Variants in EIF4G3 observed in about 807,000 individuals in gnomAD.
The protein encoded by EIF4G3 is eukaryotic translation initiation factor 4 gamma 3.
Under a neutral mutation model 186.4 loss-of-function variants are expected in EIF4G3, and 34 were observed. The observed-to-expected ratio is 0.18, with a 90% CI of 0.14 to 0.24. EIF4G3 has a LOEUF of 0.24. Among genes scored for constraint, EIF4G3 ranks in the 10% least tolerant of loss-of-function variants. EIF4G3 has a pLI of 1.00. For missense variants in EIF4G3, 1,536 were observed against 1,948.5 expected (o/e 0.79, Z 3.99); for synonymous variants, 673 against 679.5 (o/e 0.99, Z 0.15).
At chr1:20,884,996 A>T (rs2083633134) in intron 19 of EIF4G3, among the ~76,000 whole-genome samples, 1 of 152,204 alleles carries the variant, frequency 6.6e-6, no homozygotes. Flanking sequence ...GGTATTAGTT[A>T]GATTCTCATA....
At chr1:21,025,881 G>T (rs2092005510) in intron 4 of EIF4G3, among the ~76,000 whole-genome samples, 1 of 152,180 alleles carries the variant, frequency 6.6e-6, no homozygotes, top group African/African-American at 2.4e-5. Context: ...TCCTTGCCAT[G>T]AGAGTGGATG....
At chr1:20,865,384 C>T in intron 20 of EIF4G3, 122 bp from the exon 21 acceptor site, 9 of 1,009,416 alleles carry the variant, frequency 8.9e-6, no homozygotes, top group Non-Finnish European at 1.3e-5. Flanking sequence ...CTATAAGAGG[C>T]AAACAATATA....
intron 20 of EIF4G3, among the ~76,000 whole-genome samples, chr1:20,868,248 A>G (rs534813722): frequency 2.0e-5 from 3 of 152,066 alleles, no homozygotes; most frequent in African/African-American, 7.2e-5. Context: ...TTGGGCTGCT[A>G]TAACAAAATA....
intron 2 of EIF4G3, among the ~76,000 whole-genome samples, chr1:21,104,454 C>T (rs1485088771): frequency 6.6e-6 from 1 of 152,096 alleles, no homozygotes; most frequent in Non-Finnish European, 1.5e-5. Context: ...ACATGGCCAA[C>T]AAGCATATGA....
In EIF4G3 at chr1:20,899,914, G is replaced by A; in HGVS notation, c.1782C>T (p.Asp594=). 6.2e-7 allele frequency: 1 copy of A among 1,613,060 alleles called. No individual in the cohort carries two copies. Among genetic ancestry groups the A allele is most frequent in the Non-Finnish European group, 8.5e-7 (1 of 1,179,778 alleles). ...TATCTTGTTCAGATTCAAGTACTTT[G>A]TCAATGGAAAGCTCCTCTTCAGCTT... ...ELKAEEELSI[D]KVLESEQDKM... The change falls in exon 16 of 37, where the codon GAC becomes GAT. Residue 594 remains aspartate, a synonymous_variant. Coordinates refer to ENST00000602326, the MANE Select transcript of EIF4G3 (RefSeq NM_001391906.1).
chr1:20,853,787 T>C, intron 26 of EIF4G3, 110 bp from the exon 27 acceptor site: 1 of 753,332 alleles, frequency 1.3e-6, no homozygotes. Flanking sequence ...CCTAACAAGC[T>C]TAGGTGACGC....
Position 21,063,894 on chromosome 1 carries a change from G to T in EIF4G3, c.-195-12900C>A, listed in dbSNP as rs867807978. On this transcript the variant is annotated intron_variant, in intron 3 of 36. Coordinates refer to ENST00000602326, the MANE Select transcript of EIF4G3 (RefSeq NM_001391906.1). ...CCAGCTAATTTTTTTTTTTTTTTTTGGTATTTTTATCACAGATGGGGTTTT... is the reference window on the plus strand; with the variant it reads ...CCAGCTAATTTTTTTTTTTTTTTTTTGTATTTTTATCACAGATGGGGTTTT... 6.7e-3 allele frequency among the ~76,000 whole-genome samples: 684 copies of T among 102,230 alleles called. 3 individuals carry two copies. The highest frequency in any genetic ancestry group is 0.021 in the African/African-American group (559 of 27,260). The allele number at this position is 102,230 out of a possible 152,430, so 67.1% of individuals were successfully genotyped here.
intron 6 of EIF4G3, chr1:20,999,483 T>A (rs1007113695): frequency 3.1e-6 from 1 of 319,998 alleles, no homozygotes; most frequent in Non-Finnish European, 6.2e-6. Context: ...AACCTGAGTA[T>A]GGCAGTACCT....
At chr1:20,985,460 C>A (rs575056377) in intron 7 of EIF4G3, among the ~76,000 whole-genome samples, 2 of 150,790 alleles carry the variant, frequency 1.3e-5, no homozygotes, top group Non-Finnish European at 2.9e-5. Flanking sequence ...GGATCACTTA[C>A]ACACACACAC....
rs114570509 is a variant in EIF4G3 at position 20,934,377 on chromosome 1, G to A, written c.1663+7114C>T. ...AATGGTTATATGGGACTCAGAGAGC[G>A]TCTCTGGCATGAGACAGACAATAAG... On this transcript the variant is annotated intron_variant, in intron 14 of 36. Transcript: ENST00000602326. Among the ~76,000 whole-genome samples, 781 of 152,216 alleles carry A rather than the reference G, an allele frequency of 5.1e-3. 9 individuals carry two copies. Among genetic ancestry groups the A allele is most frequent in the African/African-American group, 0.018 (755 of 41,512 alleles).
intron 2 of EIF4G3, among the ~76,000 whole-genome samples, chr1:21,147,866 T>C (rs1252811644): frequency 1.3e-5 from 2 of 152,132 alleles, no homozygotes; most frequent in Admixed American, 1.3e-4. Flanking sequence ...CCTGAAAATA[T>C]GTACATGTAT....
intron 4 of EIF4G3, among the ~76,000 whole-genome samples, chr1:21,047,000 CCAT>C (rs2093929738): frequency 6.6e-6 from 1 of 152,158 alleles, no homozygotes; most frequent in Non-Finnish European, 1.5e-5. Flanking sequence ...ATTTACACAA[CCAT>C]CATAACAACG....
At chr1:21,023,135 A>G (rs934818261) in intron 4 of EIF4G3, among the ~76,000 whole-genome samples, 2 of 152,072 alleles carry the variant, frequency 1.3e-5, no homozygotes, top group African/African-American at 4.8e-5. Flanking sequence ...ATGGAAATCA[A>G]GTTGAAAAAG....
intron 2 of EIF4G3, among the ~76,000 whole-genome samples, chr1:21,134,801 TTG>T (rs2097210799): frequency 6.6e-6 from 1 of 152,220 alleles, no homozygotes; most frequent in South Asian, 2.1e-4. Context: ...TAGTTACATT[TTG>T]TTTGTGAAGC....
At chr1:20,943,310 T>C (rs898850101) in intron 13 of EIF4G3, among the ~76,000 whole-genome samples, 5 of 152,120 alleles carry the variant, frequency 3.3e-5, no homozygotes, top group East Asian at 3.8e-4. Context: ...TAGTATGAAA[T>C]AGTTTGATAT....
In EIF4G3 at chr1:21,103,408, C is replaced by A. The variant is rs375719086; in HGVS notation, c.-271-14195G>T. Among the ~76,000 whole-genome samples, 114 of 152,188 alleles carry A rather than the reference C, an allele frequency of 7.5e-4. 2 individuals carry two copies. The South Asian group carries it at 0.022, about 30-fold the overall frequency. On this transcript the variant is annotated intron_variant, in intron 2 of 36. Coordinates refer to ENST00000602326, the MANE Select transcript of EIF4G3 (RefSeq NM_001391906.1). ...TTCTACAAATCCTGTTTTAAGAGAA[C>A]TGTAAAAATAAAATAAAATTATAAA... is the stretch of plus-strand genomic sequence containing the variant.
At chr1:20,959,094 C>T (rs1263261987) in intron 12 of EIF4G3, among the ~76,000 whole-genome samples, 1 of 151,984 alleles carries the variant, frequency 6.6e-6, no homozygotes, top group Non-Finnish European at 1.5e-5. Flanking sequence ...CCAAAGCAAT[C>T]CTAGGCAAAA....
intron 21 of EIF4G3, 34 bp downstream of exon 21, chr1:20,865,082 T>C (rs557126381): frequency 5.6e-6 from 9 of 1,611,746 alleles, no homozygotes; most frequent in Non-Finnish European, 7.6e-6. Context: ...GTGCTCAAAG[T>C]GTACAAGCAC....
rs1475412262 is a variant in EIF4G3, at chr1:20,973,307, T to C, written c.494-208A>G. Reference sequence around the variant, plus strand: ...CAAAATATGTAATGTCTTCAAACATTCACAAACATCCAATATGAAAACCAC... The same window carrying C: ...CAAAATATGTAATGTCTTCAAACATCCACAAACATCCAATATGAAAACCAC... On this transcript the variant is annotated intron_variant, in intron 10 of 36. Coordinates refer to ENST00000602326, the MANE Select transcript of EIF4G3 (RefSeq NM_001391906.1). Among the ~76,000 whole-genome samples the C allele has an allele frequency of 9.9e-5, 15 of 152,228 alleles. 1 individual carries two copies. The highest frequency in any genetic ancestry group is 9.8e-4 in the Admixed American group (15 of 15,280).
Sources: gnomAD v4.1 joint callset for allele counts (sites outside exome capture counted in the v4.1 genomes callset) on GRCh38, gnomAD v4.1.1 for gene constraint, MANE v1.5 for transcripts, NCBI Gene and HGNC (gene_info 2026-07-23, HGNC 2026-07-21) for gene names.